ARHGAP10: variants seen among roughly 807,000 people sequenced by gnomAD.
The protein encoded by ARHGAP10 is Rho GTPase activating protein 10.
Under a neutral mutation model 108.6 loss-of-function variants are expected in ARHGAP10, and 87 were observed. The observed-to-expected ratio is 0.80, with a 90% CI of 0.67 to 0.96. ARHGAP10 has a LOEUF of 0.96. Among genes scored for constraint, ARHGAP10 ranks in the 40% least tolerant of loss-of-function variants. The pLI is 0.00. For synonymous variants in ARHGAP10, 347 were observed against 341.1 expected (o/e 1.02, Z -0.19); for missense variants, 939 against 954.5 (o/e 0.98, Z 0.21).
intron 19 of ARHGAP10, among the ~76,000 whole-genome samples, chr4:148,044,919 G>A (rs931266726): frequency 3.3e-5 from 5 of 152,140 alleles, no homozygotes; most frequent in South Asian, 4.1e-4. Context: ...TTAGCTAAAC[G>A]TTTTTTGTGG....
intron 20 of ARHGAP10, among the ~76,000 whole-genome samples, chr4:148,056,218 C>T (rs1372421985): frequency 6.6e-6 from 1 of 152,192 alleles, no homozygotes; most frequent in East Asian, 1.9e-4. Context: ...GAAGGGCCCA[C>T]CTTTCTTAAA....
intron 16 of ARHGAP10, among the ~76,000 whole-genome samples, chr4:147,964,704 G>T (rs918541442): frequency 2.0e-5 from 3 of 152,114 alleles, no homozygotes; most frequent in African/African-American, 7.2e-5. Context: ...AGTAAACGAT[G>T]AACAGACATG....
intron 7 of ARHGAP10, among the ~76,000 whole-genome samples, chr4:147,868,243 G>GTTT (rs66538210): frequency 1.4e-5 from 2 of 145,596 alleles, no homozygotes; most frequent in East Asian, 4.0e-4. Context: ...AGTTTTTTTT[G>GTTT]TTTTTTTTTT....
chr4:148,046,752 G>C (rs1347918569), intron 19 of ARHGAP10, 140 bp from the exon 20 acceptor site: 1 of 725,226 alleles, frequency 1.4e-6, no homozygotes, highest in Admixed American at 3.1e-5. Flanking sequence ...GTAAAGACAG[G>C]ACACCCAGAT....
chr4:147,747,288 G>C (rs1391711608), intron 1 of ARHGAP10, among the ~76,000 whole-genome samples: 1 of 152,212 alleles, frequency 6.6e-6, no homozygotes, highest in Non-Finnish European at 1.5e-5. Flanking sequence ...GGACTTCCAA[G>C]TGTCTGCCTC....
At chr4:147,734,308 GTGCA>G (rs1196906822) in intron 1 of ARHGAP10, among the ~76,000 whole-genome samples, 1 of 152,284 alleles carries the variant, frequency 6.6e-6, no homozygotes, top group East Asian at 1.9e-4. Flanking sequence ...GCAGCAGCCA[GTGCA>G]TCTGGGGGGC....
At chr4:147,816,278 A>C (rs551781060) in intron 1 of ARHGAP10, among the ~76,000 whole-genome samples, 1 of 151,654 alleles carries the variant, frequency 6.6e-6, no homozygotes, top group South Asian at 2.1e-4. Flanking sequence ...TCCCCACATC[A>C]CTCCTGAAGG....
intron 10 of ARHGAP10, among the ~76,000 whole-genome samples, chr4:147,906,294 C>T (rs1048808907): frequency 7.9e-5 from 12 of 152,056 alleles, no homozygotes; most frequent in South Asian, 4.1e-4. Context: ...CAAGTGTCTG[C>T]GGATATTGTG....
In ARHGAP10 at chr4:147,801,201, A is replaced by G. The variant is rs556384421; in HGVS notation, c.155-21526A>G. 5.3e-5 allele frequency among the ~76,000 whole-genome samples: 8 copies of G among 152,360 alleles called. No individual in the cohort carries two copies. In the East Asian group the frequency reaches 1.3e-3, roughly 26 times the overall value. On this transcript the variant is annotated intron_variant, in intron 1 of 22. Coordinates refer to ENST00000336498, the MANE Select transcript of ARHGAP10 (RefSeq NM_024605.4). Reference sequence around the variant, plus strand: ...CTACGTTCAGTAAAACATATCTCTCAGGGGTCTTATGGAGGTAAGGAAACA... The same window carrying G: ...CTACGTTCAGTAAAACATATCTCTCGGGGGTCTTATGGAGGTAAGGAAACA...
intron 18 of ARHGAP10, among the ~76,000 whole-genome samples, chr4:148,017,652 CTATATATATATATATATA>C (rs35472561): frequency 0.017 from 1,761 of 105,320 alleles, 95 homozygotes; most frequent in African/African-American, 0.071. Flanking sequence ...GAGCCAGTAA[CTATATATATATATATATA>C]TATATATATA....
chr4:147,801,624 G>T (rs1579063100), intron 1 of ARHGAP10, among the ~76,000 whole-genome samples: 1 of 152,154 alleles, frequency 6.6e-6, no homozygotes, highest in Non-Finnish European at 1.5e-5. Flanking sequence ...TCTTGCAAAA[G>T]AAAGTTCTCT....
intron 3 of ARHGAP10, among the ~76,000 whole-genome samples, chr4:147,823,279 C>T (rs747829021): frequency 5.9e-5 from 9 of 152,132 alleles, no homozygotes; most frequent in Non-Finnish European, 1.0e-4. Flanking sequence ...CATGCAGAAG[C>T]TTAATATATC....
intron 5 of ARHGAP10, chr4:147,863,052 G>A (rs921315917): frequency 1.3e-5 from 2 of 152,168 alleles, no homozygotes; most frequent in African/African-American, 4.8e-5. Context: ...TGTGTTAAAT[G>A]CTTTTCAAAA....
At chr4:147,996,402 A>G (rs747161280) in intron 18 of ARHGAP10, among the ~76,000 whole-genome samples, 4 of 152,186 alleles carry the variant, frequency 2.6e-5, no homozygotes, top group African/African-American at 4.8e-5. Flanking sequence ...ATAACTTCCA[A>G]TGTGATTGTC....
chr4:147,987,407 A>G (rs1740086465), intron 18 of ARHGAP10, among the ~76,000 whole-genome samples: 3 of 152,304 alleles, frequency 2.0e-5, no homozygotes, highest in South Asian at 2.1e-4. Flanking sequence ...CTCTGAACGC[A>G]TAGCCACTTC....
intron 7 of ARHGAP10, among the ~76,000 whole-genome samples, chr4:147,872,976 A>G (rs1384760273): frequency 6.6e-6 from 1 of 152,202 alleles, no homozygotes; most frequent in African/African-American, 2.4e-5. Flanking sequence ...TTGTCGCAGG[A>G]GTTGTAGATG....
intron 7 of ARHGAP10, among the ~76,000 whole-genome samples, chr4:147,870,366 T>C (rs1406345203): frequency 6.6e-6 from 1 of 152,208 alleles, no homozygotes; most frequent in Non-Finnish European, 1.5e-5. Flanking sequence ...CGGCCGCATA[T>C]ATGTATTTTA....
At chr4:147,757,502 G>T (rs1729428349) in intron 1 of ARHGAP10, among the ~76,000 whole-genome samples, 1 of 152,202 alleles carries the variant, frequency 6.6e-6, no homozygotes, top group South Asian at 2.1e-4. Flanking sequence ...GGCTGGGGCA[G>T]TGTAGCTTTG....
chr4:147,844,199 T>C (rs989493058), intron 3 of ARHGAP10, among the ~76,000 whole-genome samples: 23 of 152,182 alleles, frequency 1.5e-4, no homozygotes, highest in Non-Finnish European at 2.2e-4. Context: ...TTTTTATTTT[T>C]AGGATTTGTG....
Sources: allele counts gnomAD v4.1 joint callset (sites outside exome capture counted in the v4.1 genomes callset), GRCh38; gene constraint gnomAD v4.1.1; transcripts MANE v1.5; gene names NCBI Gene and HGNC (gene_info 2026-07-23, HGNC 2026-07-21).